The following C2orf72 variants were observed in gnomAD, a reference collection of about 807,000 sequenced individuals.
The protein encoded by C2orf72 is chromosome 2 open reading frame 72.
Under a neutral mutation model 14.4 loss-of-function variants are expected in C2orf72, and 16 were observed. The ratio of observed to expected loss-of-function variants is 1.11; its 90% confidence interval spans 0.75 to 1.69. The LOEUF (loss-of-function observed/expected upper bound fraction) is 1.69, where lower values mean the gene tolerates loss of function less well. C2orf72 is among the 40% of genes most tolerant of loss of function. C2orf72 has a pLI of 0.00. For synonymous variants in C2orf72, 168 were observed against 176.8 expected, an observed-to-expected ratio of 0.95 and a Z score of 0.40; for missense variants, 371 against 358.3, an observed-to-expected ratio of 1.04 and a Z score of -0.29.
At position 231,041,379 on chromosome 2, in the gene C2orf72, G is replaced by C. The variant is rs1693337625; in HGVS notation, c.718G>C (p.Asp240His). 6.4e-7 allele frequency: 1 copy of C among 1,551,592 alleles called. No homozygotes were observed. Among genetic ancestry groups the C allele is most frequent in the Admixed American group, 2.0e-5 (1 of 51,004 alleles). The change falls in exon 2 of 3, where the codon GAT (aspartate) becomes CAT (histidine). Residue 240 changes from aspartate to histidine, a missense_variant. By Grantham distance (81) the Asp-to-His change is moderately conservative. Coordinates refer to ENST00000373640, the MANE Select transcript of C2orf72 (RefSeq NM_001144994.2). ...WGPWSRRKNQDVAACRSSAQE... is the reference protein window; with the variant it reads ...WGPWSRRKNQHVAACRSSAQE... ...TCCCTGGAGCCGGAGGAAGAACCAG[G>C]ATGTTGCTGCCTGCAGAAGCTCAGC...
chr2:231,037,967 C>T lies in C2orf72; in HGVS notation c.402C>T (p.Gly134=). The change falls in exon 1 of 3, where the codon GGC becomes GGT. Residue 134 remains glycine, a synonymous_variant. Transcript: ENST00000373640. ...RLREMLRDVR[G]RRRAGAALVG... is the part of the protein sequence containing the mutation. ...GGGAGATGCTGCGGGACGTGCGCGG[C>T]CGGCGGCGGGCCGGGGCGGCGCTGG... The T allele has an allele frequency of 9.8e-7, 1 of 1,019,822 alleles. No individual in the cohort carries two copies. The highest frequency in any genetic ancestry group is 1.2e-6 in the Non-Finnish European group (1 of 858,954). The allele number at this position is 1,019,822 out of a possible 1,614,324, so 63.2% of individuals were successfully genotyped here. A position where few individuals can be genotyped will look rare whatever the true frequency, so the allele number is the denominator to read the frequency against.
At chr2:231,045,029 G>A (rs1485680992) in intron 2 of C2orf72, among the ~76,000 whole-genome samples, 3 of 150,594 alleles carry the variant, frequency 2.0e-5, no homozygotes, top group South Asian at 2.1e-4. Context: ...ATAGTAGGCC[G>A]AGGCTGGCGG....
Position 231,038,091 on chromosome 2 carries a change from G to C in C2orf72, c.526G>C (p.Gly176Arg). 6 of 1,149,296 alleles carry C rather than the reference G, an allele frequency of 5.2e-6. No homozygotes were observed. The highest frequency in any genetic ancestry group is 6.4e-6 in the Non-Finnish European group (6 of 935,466). The allele number at this position is 1,149,296 out of a possible 1,614,324, so 71.2% of individuals were successfully genotyped here. The change falls in exon 1 of 3, where the codon GGG (glycine) becomes CGG (arginine). Residue 176 changes from glycine to arginine, a missense_variant. By Grantham distance (125) the Gly-to-Arg change is moderately radical. Transcript: ENST00000373640. ...LLRAVFGRQA[G>R]GPVQAAAYCP... ...GCGCGCCGTGTTCGGCCGCCAGGCG[G>C]GGGGGCCCGTGCAGGCGGCCGCCTA...
Position 231,037,799 on chromosome 2 carries a change from G to T in C2orf72, c.234G>T (p.Ala78=), listed in dbSNP as rs1693273914. The T allele has an allele frequency of 1.0e-6, 1 of 982,312 alleles. No individual in the cohort carries two copies. The highest frequency in any genetic ancestry group is 4.5e-5 in the South Asian group (1 of 22,084). The allele number at this position is 982,312 out of a possible 1,614,324, so 60.8% of individuals were successfully genotyped here. ...GAAAEGAGPG[A]ARGAQRAARA... ...CGGCAGAGGGCGCGGGGCCCGGGGC[G>T]GCGCGCGGGGCGCAGAGGGCGGCGA... is the stretch of plus-strand genomic sequence containing the variant. The change falls in exon 1 of 3, where the codon GCG becomes GCT. Residue 78 remains alanine, a synonymous_variant. Coordinates refer to ENST00000373640, the MANE Select transcript of C2orf72 (RefSeq NM_001144994.2).
chr2:231,037,658 G>A lies in C2orf72; in HGVS notation c.93G>A (p.Gly31=), dbSNP rs532752907. 131 of 1,118,960 alleles carry A rather than the reference G, an allele frequency of 1.2e-4. 2 individuals are homozygous for A. In the East Asian group the frequency reaches 8.0e-3, roughly 68 times the overall value. The allele number at this position is 1,118,960 out of a possible 1,614,324, so 69.3% of individuals were successfully genotyped here. Residue 31 remains glycine, a synonymous_variant, in exon 1 of 3, where the codon GGG becomes GGA. Transcript: ENST00000373640. ...TGGTGGAAGCGGCGGGGGGCCGCGG[G>A]CAGGTGCTGCTGGTGGGCGAGCTGT... The part of the protein sequence containing the change: ...QALVEAAGGR[G]QVLLVGELWE...
At position 231,048,602 on chromosome 2, in the gene C2orf72, G is replaced by T. The variant is rs1048194193; in HGVS notation, c.*1581G>T. ...AGGGGCTCTATGATATTAAGAAGGG[G>T]CCCTTCCTGCTCTGTGCCTCAACCT... On this transcript the variant is annotated 3_prime_UTR_variant, in exon 3 of 3. Transcript: ENST00000373640. 1 of 152,378 alleles carries T rather than the reference G, an allele frequency of 6.6e-6. No individual in the cohort carries two copies. Among genetic ancestry groups the T allele is most frequent in the Non-Finnish European group, 1.5e-5 (1 of 68,210 alleles). 9.4% of individuals were successfully genotyped at this position (152,378 alleles called of 1,614,324 possible). A position where few individuals can be genotyped will look rare whatever the true frequency, so the allele number is the denominator to read the frequency against.
At chr2:231,045,080 T>G (rs1693397380) in intron 2 of C2orf72, among the ~76,000 whole-genome samples, 1 of 151,648 alleles carries the variant, frequency 6.6e-6, no homozygotes, top group South Asian at 2.1e-4. Context: ...CTGGCCCACA[T>G]GGTGAAACCC....
intron 1 of C2orf72, 93 bp from the exon 2 acceptor site, chr2:231,041,203 C>A: frequency 1.1e-6 from 1 of 873,814 alleles, no homozygotes; most frequent in Non-Finnish European, 1.7e-6. Context: ...GGGCAGTTGA[C>A]CGTTGGGGCA....
Position 231,037,550 on chromosome 2 carries a change from G to A in C2orf72, c.-16G>A, listed in dbSNP as rs1268493643. 6.9e-6 allele frequency: 7 copies of A among 1,007,366 alleles called. No homozygotes were observed. The East Asian group carries it at 6.3e-4, about 91-fold the overall frequency. The allele number at this position is 1,007,366 out of a possible 1,614,324, so 62.4% of individuals were successfully genotyped here. A position where few individuals can be genotyped will look rare whatever the true frequency, so the allele number is the denominator to read the frequency against. On this transcript the variant is annotated 5_prime_UTR_variant, in exon 1 of 3. Coordinates refer to ENST00000373640, the MANE Select transcript of C2orf72 (RefSeq NM_001144994.2). ...GCCCGGGCCGCGGCGGCCGCAGAGG[G>A]CGGGCGGCGGCCAGCATGGAGCGCG...
At chr2:231,042,785 A>T (rs951855373) in intron 2 of C2orf72, among the ~76,000 whole-genome samples, 2 of 152,204 alleles carry the variant, frequency 1.3e-5, no homozygotes, top group African/African-American at 4.8e-5. Context: ...TGGGCAGATG[A>T]CCTGAGGTCA....
At position 231,047,890 on chromosome 2, in the gene C2orf72, CTCTT is replaced by C. The variant is rs1241040512; in HGVS notation, c.*877_*880del. The C allele has an allele frequency of 6.6e-6, 1 of 152,448 alleles. No individual in the cohort carries two copies. The highest frequency in any genetic ancestry group is 1.5e-5 in the Non-Finnish European group (1 of 68,212). 9.4% of individuals were successfully genotyped at this position (152,448 alleles called of 1,614,324 possible). On this transcript the variant is annotated 3_prime_UTR_variant, in exon 3 of 3. Coordinates refer to ENST00000373640, the MANE Select transcript of C2orf72 (RefSeq NM_001144994.2). Reference sequence around the variant, plus strand: ...ACACATGCCGGTGAGAACAAAGAGCCTCTTTCTTTCTCATGTTGACATCGACTTT... The same window carrying C: ...ACACATGCCGGTGAGAACAAAGAGCCTCTTTCTCATGTTGACATCGACTTT...
rs770256889 is a variant in C2orf72, at chr2:231,047,069, C to T, written c.*48C>T. 3.9e-6 allele frequency: 6 copies of T among 1,550,490 alleles called. No individual in the cohort carries two copies. The highest frequency in any genetic ancestry group is 5.2e-6 in the Non-Finnish European group (6 of 1,146,012). On this transcript the variant is annotated 3_prime_UTR_variant, in exon 3 of 3. Coordinates refer to ENST00000373640, the MANE Select transcript of C2orf72 (RefSeq NM_001144994.2). ...CTGGCTCTAACCTACAGACTGGGGC[C>T]TGGCTCCGTCTTACTGGCCCCCAGG...
At chr2:231,043,325 C>T (rs1693368979) in intron 2 of C2orf72, among the ~76,000 whole-genome samples, 1 of 151,480 alleles carries the variant, frequency 6.6e-6, no homozygotes, top group Non-Finnish European at 1.5e-5. Flanking sequence ...CAAGGAAGGG[C>T]TTTATAAGGG....
chr2:231,044,898 C>CTA (rs1302442186), intron 2 of C2orf72, among the ~76,000 whole-genome samples: 301 of 144,060 alleles, frequency 2.1e-3, no homozygotes, highest in Admixed American at 6.4e-3. Context: ...TTACAATTAA[C>CTA]TATATATATA....
chr2:231,038,435 T>C (rs954184617), intron 1 of C2orf72, among the ~76,000 whole-genome samples: 3 of 138,086 alleles, frequency 2.2e-5, no homozygotes, highest in African/African-American at 8.0e-5. Flanking sequence ...GTGGGAAAGC[T>C]GAGGGGCCGA....
In C2orf72 at chr2:231,047,359, T is replaced by C; in HGVS notation, c.*338T>C. 2.5e-6 allele frequency: 1 copy of C among 392,768 alleles called. No individual in the cohort carries two copies. Among genetic ancestry groups the C allele is most frequent in the Non-Finnish European group, 4.9e-6 (1 of 203,702 alleles). The allele number at this position is 392,768 out of a possible 1,614,324, so 24.3% of individuals were successfully genotyped here. A position where few individuals can be genotyped will look rare whatever the true frequency, so the allele number is the denominator to read the frequency against. On this transcript the variant is annotated 3_prime_UTR_variant, in exon 3 of 3. Coordinates refer to ENST00000373640, the MANE Select transcript of C2orf72 (RefSeq NM_001144994.2). ...GCACCCCATGGTGTGTCTGCAGTGT[T>C]CTGGGCACATGCATGGGCACCCATC... is the stretch of plus-strand genomic sequence containing the variant.
chr2:231,041,286 T>G lies in C2orf72; in HGVS notation c.635-10T>G. 6.5e-7 allele frequency: 1 copy of G among 1,544,692 alleles called. No individual in the cohort carries two copies. Among genetic ancestry groups the G allele is most frequent in the Non-Finnish European group, 8.8e-7 (1 of 1,142,740 alleles). Reference sequence around the variant, plus strand: ...GTGACCCTCTGACTCAGGTTTTGTGTTCTTCCTAGTGGAAGGAGCCTGGGA... The same window carrying G: ...GTGACCCTCTGACTCAGGTTTTGTGGTCTTCCTAGTGGAAGGAGCCTGGGA... On this transcript the variant is annotated splice_polypyrimidine_tract_variant and intron_variant, in intron 1 of 2. Transcript: ENST00000373640.
chr2:231,045,485 A>G (rs1693403973), intron 2 of C2orf72, among the ~76,000 whole-genome samples: 1 of 150,694 alleles, frequency 6.6e-6, no homozygotes, highest in Non-Finnish European at 1.5e-5. Flanking sequence ...ACTAGGTGAC[A>G]GGAATTTTTT....
At chr2:231,039,267 T>C (rs916890329) in intron 1 of C2orf72, among the ~76,000 whole-genome samples, 1 of 146,758 alleles carries the variant, frequency 6.8e-6, no homozygotes, top group African/African-American at 2.5e-5. Context: ...GGCATATGTA[T>C]ACATATGTAA....
Sources: allele counts gnomAD v4.1 joint callset (sites outside exome capture counted in the v4.1 genomes callset), GRCh38; gene constraint gnomAD v4.1.1; transcripts MANE v1.5; gene names NCBI Gene and HGNC (gene_info 2026-07-23, HGNC 2026-07-21).